KIF21A: variants seen among roughly 807,000 people sequenced by gnomAD.
KIF21A encodes kinesin-like protein KIF21A.
In KIF21A, 114 loss-of-function variants were observed where a neutral mutation model predicts 202.9. The ratio of observed to expected loss-of-function variants is 0.56; its 90% confidence interval spans 0.48 to 0.66. The LOEUF (loss-of-function observed/expected upper bound fraction) is 0.66, where lower values mean the gene tolerates loss of function less well. Ranked by LOEUF, KIF21A falls within the 30% of genes least tolerant of loss-of-function variation. The probability of loss-of-function intolerance (pLI) is 0.00; values close to 1 mark genes in which losing one functional copy is unlikely to be tolerated. For synonymous variants in KIF21A, 667 were observed against 670.8 expected, an observed-to-expected ratio of 0.99 and a Z score of 0.09; for missense variants, 1,677 against 1,994.9, an observed-to-expected ratio of 0.84 and a Z score of 3.04.
intron 1 of KIF21A, among the ~76,000 whole-genome samples, chr12:39,379,847 C>T (rs758290901): frequency 4.6e-5 from 7 of 152,184 alleles, no homozygotes; most frequent in Non-Finnish European, 8.8e-5. Flanking sequence ...TGTCGCCTCC[C>T]TTGAGGCTGC....
intron 22 of KIF21A, among the ~76,000 whole-genome samples, chr12:39,331,213 G>GA (rs956979821): frequency 1.0e-4 from 15 of 145,020 alleles, no homozygotes; most frequent in Middle Eastern, 7.2e-3. Context: ...TCCCAACATG[G>GA]AAAAAAAAAA....
At chr12:39,297,378 A>G (rs2137033042) in intron 37 of KIF21A, among the ~76,000 whole-genome samples, 1 of 152,312 alleles carries the variant, frequency 6.6e-6, no homozygotes, top group Middle Eastern at 3.4e-3. Context: ...AAAATGTCGC[A>G]CATATACACC....
Position 39,436,203 on chromosome 12 carries a change from T to C in KIF21A, c.44+6724A>G, listed in dbSNP as rs903185944. On this transcript the variant is annotated intron_variant, in intron 1 of 37. Coordinates refer to ENST00000361418, the MANE Select transcript of KIF21A (RefSeq NM_001173464.2). ...GTTATTTTAATATAAAAATTATTTC[T>C]TCGATGTATGTTAGCAAAACACGAA... Among the ~76,000 whole-genome samples, 13 of 151,766 alleles carry C rather than the reference T, an allele frequency of 8.6e-5. No homozygotes were observed. In the East Asian group the frequency reaches 2.1e-3, roughly 25 times the overall value.
intron 17 of KIF21A, among the ~76,000 whole-genome samples, chr12:39,333,774 A>C (rs1007429517): frequency 3.3e-5 from 5 of 152,142 alleles, no homozygotes; most frequent in Non-Finnish European, 7.3e-5. Context: ...ATGGTGGATA[A>C]AGTAAATGGA....
rs1199818833 is a variant in KIF21A, at chr12:39,436,422, T to TTATATATATATA, written c.44+6493_44+6504dup. Among the ~76,000 whole-genome samples the TTATATATATATA allele has an allele frequency of 6.6e-3, 651 of 99,042 alleles. 3 individuals are homozygous for TTATATATATATA. The highest frequency in any genetic ancestry group is 0.012 in the African/African-American group (271 of 22,000). 65.0% of individuals were successfully genotyped at this position (99,042 alleles called of 152,430 possible). A position where few individuals can be genotyped will look rare whatever the true frequency, so the allele number is the denominator to read the frequency against. On this transcript the variant is annotated intron_variant, in intron 1 of 37. Coordinates refer to ENST00000361418, the MANE Select transcript of KIF21A (RefSeq NM_001173464.2). ...TCAATAATTATAAGGGTTTACTATA[T>TTATATATATATA]TATATATATATATATATATATATAT...
chr12:39,363,098 C>A lies in KIF21A; in HGVS notation c.1019G>T (p.Ser340Ile), dbSNP rs1949355192. 6.5e-7 allele frequency: 1 copy of A among 1,546,194 alleles called. No homozygotes were observed. Among genetic ancestry groups the A allele is most frequent in the Non-Finnish European group, 8.9e-7 (1 of 1,118,404 alleles). Residue 340 changes from serine to isoleucine, a missense_variant and splice_region_variant, in exon 7 of 38, where the codon AGC (serine) becomes ATC (isoleucine). Transcript: ENST00000361418. Reference protein sequence around the residue: ...RLLQDSLGGNSQTIMIACVSP... With the variant: ...RLLQDSLGGNIQTIMIACVSP... The stretch of plus-strand genomic sequence containing the variant: ...GTAGAGGATAATCATCTATGCATAC[C>A]TATTACCCCCGAGGGAATCCTGTAG...
chr12:39,389,121 G>A (rs1951160787), intron 1 of KIF21A, among the ~76,000 whole-genome samples: 1 of 151,614 alleles, frequency 6.6e-6, no homozygotes, highest in Non-Finnish European at 1.5e-5. Flanking sequence ...CTGTCATACA[G>A]TGTAATATTT....
At chr12:39,317,942 TA>T in intron 29 of KIF21A, 130 bp downstream of exon 29, 2 of 935,954 alleles carry the variant, frequency 2.1e-6, no homozygotes, top group Non-Finnish European at 1.7e-6. Flanking sequence ...GAAAGATGCA[TA>T]AAATATGGCA....
chr12:39,319,912 T>C lies in KIF21A; in HGVS notation c.3773A>G (p.Gln1258Arg). The part of the protein sequence containing the change: ...EKAEKSKAKE[Q>R]KHSDSGTSEA... The stretch of plus-strand genomic sequence containing the variant: ...AAAAACATTAGTCACTTACTGCTTT[T>C]GTTCCTTGGCCTTTGATTTTTCTGC... Residue 1258 changes from glutamine to arginine, a missense_variant, in exon 28 of 38, where the codon CAA becomes CGA. By Grantham distance (43) the Gln-to-Arg change is conservative. Around this residue, in one of 3 missense-constraint regions of KIF21A, gnomAD observed 705 missense variants for 791.9 expected, o/e 0.89. Transcript: ENST00000361418. The C allele has an allele frequency of 6.3e-7, 1 of 1,593,586 alleles. No individual in the cohort carries two copies. Among genetic ancestry groups the C allele is most frequent in the Non-Finnish European group, 8.6e-7 (1 of 1,163,444 alleles).
intron 1 of KIF21A, among the ~76,000 whole-genome samples, chr12:39,373,322 A>G (rs1950077706): frequency 6.6e-6 from 1 of 151,156 alleles, no homozygotes; most frequent in South Asian, 2.1e-4. Context: ...TTTCCTAGAC[A>G]CTCTTCTCCA....
chr12:39,334,271 T>C (rs1946769463), intron 17 of KIF21A, among the ~76,000 whole-genome samples: 1 of 151,896 alleles, frequency 6.6e-6, no homozygotes, highest in South Asian at 2.1e-4. Flanking sequence ...ACTTAGGTCT[T>C]AATTCCAGTT....
At chr12:39,425,122 A>G (rs1047714143) in intron 1 of KIF21A, among the ~76,000 whole-genome samples, 1 of 152,024 alleles carries the variant, frequency 6.6e-6, no homozygotes, top group African/African-American at 2.4e-5. Flanking sequence ...AGGTCTTCTC[A>G]TGGCTCATTT....
intron 17 of KIF21A, among the ~76,000 whole-genome samples, chr12:39,336,331 T>C (rs1016391472): frequency 5.3e-5 from 8 of 152,192 alleles, no homozygotes; most frequent in Admixed American, 5.2e-4. Context: ...CCATAACTTA[T>C]AACCCTAACA....
chr12:39,404,120 G>A (rs887558467), intron 1 of KIF21A, among the ~76,000 whole-genome samples: 8 of 152,054 alleles, frequency 5.3e-5, no homozygotes, highest in African/African-American at 1.9e-4. Flanking sequence ...ATGTTGCCCA[G>A]GCTAGAGTGC....
chr12:39,359,224 C>T (rs980171528), intron 7 of KIF21A, among the ~76,000 whole-genome samples: 1 of 152,158 alleles, frequency 6.6e-6, no homozygotes, highest in Admixed American at 6.5e-5. Flanking sequence ...TTGTCCCATT[C>T]CACACCTTTT....
rs112140273 is a variant in KIF21A at position 39,295,381 on chromosome 12, A to C, written c.4932-864T>G. Among the ~76,000 whole-genome samples, 281 of 152,312 alleles carry C rather than the reference A, an allele frequency of 1.8e-3. 1 individual carries two copies. The highest frequency in any genetic ancestry group is 6.6e-3 in the African/African-American group (275 of 41,566). ...CAATTTCCTGATTAACCCAAAGTAA[A>C]AAAAATAAATAAAGAAGAGTTTCCA... is the stretch of plus-strand genomic sequence containing the variant. On this transcript the variant is annotated intron_variant, in intron 37 of 37. Coordinates refer to ENST00000361418, the MANE Select transcript of KIF21A (RefSeq NM_001173464.2).
chr12:39,296,025 TA>T (rs34017775), intron 37 of KIF21A, among the ~76,000 whole-genome samples: 3,891 of 86,778 alleles, frequency 0.045, 67 homozygotes, highest in African/African-American at 0.078. Flanking sequence ...GTTTGTTTGT[TA>T]AAAAAAAAAA....
intron 1 of KIF21A, among the ~76,000 whole-genome samples, chr12:39,392,230 G>A (rs1350957064): frequency 6.6e-6 from 1 of 152,086 alleles, no homozygotes; most frequent in Non-Finnish European, 1.5e-5. Context: ...GTGCTGCCTG[G>A]CTTTTCATGA....
chr12:39,440,602 A>G (rs569431654), intron 1 of KIF21A, among the ~76,000 whole-genome samples: 3 of 152,360 alleles, frequency 2.0e-5, no homozygotes, highest in East Asian at 3.9e-4. Flanking sequence ...AATAATGGTT[A>G]TAAATGAACA....
Sources: gnomAD v4.1 joint callset for allele counts (sites outside exome capture counted in the v4.1 genomes callset) on GRCh38, gnomAD v4.1.1 for gene constraint, gnomAD v4.1.1 regional missense constraint, MANE v1.5 for transcripts, NCBI Gene and HGNC (gene_info 2026-07-23, HGNC 2026-07-21) for gene names.